Variants in TRMT11 observed in about 807,000 individuals in gnomAD.
The protein encoded by TRMT11 is tRNA methyltransferase 11.
In TRMT11, 53 loss-of-function variants were observed where a neutral mutation model predicts 62.8. The ratio of observed to expected loss-of-function variants is 0.84; its 90% CI spans 0.68 to 1.06. TRMT11 has a LOEUF of 1.06. Ranked by LOEUF, TRMT11 falls within the 50% of genes least tolerant of loss-of-function variation. The probability of loss-of-function intolerance (pLI) is 0.00; values close to 1 mark genes in which losing one functional copy is unlikely to be tolerated. For synonymous variants in TRMT11, 188 were observed against 190.3 expected, an observed-to-expected ratio of 0.99 and a Z score of 0.10; for missense variants, 556 against 553.4, an observed-to-expected ratio of 1.00 and a Z score of -0.05.
At chr6:126,136,964 C>T (rs1412191442) in intron 21 of TRMT11, among the ~76,000 whole-genome samples, 1 of 150,540 alleles carries the variant, frequency 6.6e-6, no homozygotes, top group Non-Finnish European at 1.5e-5. Context: ...AAGACCCCTA[C>T]CTTTCACCAT....
chr6:126,055,135 TTA>T (rs551942083), intron 17 of TRMT11, among the ~76,000 whole-genome samples: 1 of 152,266 alleles, frequency 6.6e-6, no homozygotes, highest in South Asian at 2.1e-4. Flanking sequence ...CATCTAAGTT[TTA>T]TATGTTTTGT....
intron 11 of TRMT11, among the ~76,000 whole-genome samples, chr6:126,020,525 C>T (rs1795668226): frequency 6.6e-6 from 1 of 152,210 alleles, no homozygotes; most frequent in Non-Finnish European, 1.5e-5. Context: ...GCAGTCTCCA[C>T]CACTCATTGG....
chr6:126,038,389 G>A (rs1402465897), intron 12 of TRMT11, among the ~76,000 whole-genome samples: 1 of 140,042 alleles, frequency 7.1e-6, no homozygotes, highest in African/African-American at 2.7e-5. Context: ...TCAGAAGAAA[G>A]TTATAGCCTT....
At chr6:126,217,859 G>T in the TRMT11 span, among the ~76,000 whole-genome samples, 1 of 152,136 alleles carries the variant, frequency 6.6e-6, no homozygotes, top group Admixed American at 6.5e-5. Flanking sequence ...TCAACTGCAG[G>T]TGAGTCCAGA....
downstream of TRMT11, among the ~76,000 whole-genome samples, chr6:126,043,787 C>A (rs1775959152): frequency 6.7e-6 from 1 of 150,260 alleles, no homozygotes. Flanking sequence ...TTTTGATTTG[C>A]ATTTCTCTGA....
intron 17 of TRMT11, among the ~76,000 whole-genome samples, chr6:126,079,631 G>A (rs541474577): frequency 1.9e-3 from 287 of 152,198 alleles, no homozygotes; most frequent in Non-Finnish European, 3.3e-3. Context: ...CACGACCTGG[G>A]TGAAGGAATC....
At chr6:126,164,736 C>A (rs576791993) in intron 21 of TRMT11, among the ~76,000 whole-genome samples, 3 of 152,208 alleles carry the variant, frequency 2.0e-5, no homozygotes, top group South Asian at 2.1e-4. Flanking sequence ...TAATGTTCTT[C>A]TTTGTATTTT....
intron 16 of TRMT11, among the ~76,000 whole-genome samples, chr6:126,045,789 A>C (rs1776039794): frequency 1.3e-5 from 2 of 152,170 alleles, no homozygotes; most frequent in Non-Finnish European, 2.9e-5. Context: ...ATATGGTGGC[A>C]GGGCACATCA....
At chr6:126,241,946 G>C in the TRMT11 span, among the ~76,000 whole-genome samples, 1 of 152,132 alleles carries the variant, frequency 6.6e-6, no homozygotes, top group South Asian at 2.1e-4. Flanking sequence ...CAATCAGGCA[G>C]GAGAAGGAAA....
At chr6:126,250,415 G>T in the TRMT11 span, among the ~76,000 whole-genome samples, 992 of 152,290 alleles carry the variant, frequency 6.5e-3, 11 homozygotes, top group African/African-American at 0.023. Context: ...GATATTTAAA[G>T]ATTATGGTTA....
At chr6:126,241,709 A>G in the TRMT11 span, among the ~76,000 whole-genome samples, 1 of 152,256 alleles carries the variant, frequency 6.6e-6, no homozygotes, top group African/African-American at 2.4e-5. Context: ...GATTATCTCA[A>G]TAGATGCAGA....
At chr6:126,256,981 T>C in the TRMT11 span, among the ~76,000 whole-genome samples, 2 of 151,704 alleles carry the variant, frequency 1.3e-5, no homozygotes. Flanking sequence ...CACCTCCCAG[T>C]TTCTAGTGAT....
At chr6:126,086,839 T>A (rs1777222590) in intron 17 of TRMT11, among the ~76,000 whole-genome samples, 1 of 152,196 alleles carries the variant, frequency 6.6e-6, no homozygotes, top group Non-Finnish European at 1.5e-5. Flanking sequence ...CTCTTTTACT[T>A]GTTCAGCTAT....
chr6:126,002,458 A>G (rs1350070823), intron 7 of TRMT11, among the ~76,000 whole-genome samples: 3 of 152,068 alleles, frequency 2.0e-5, no homozygotes, highest in African/African-American at 7.2e-5. Context: ...ATGGTTTCAC[A>G]GTTGTTTTGC....
At chr6:126,057,449 T>G (rs1206830797) in intron 17 of TRMT11, among the ~76,000 whole-genome samples, 1 of 152,240 alleles carries the variant, frequency 6.6e-6, no homozygotes, top group East Asian at 1.9e-4. Flanking sequence ...TATTAGGGGA[T>G]GTCTAGAGAA....
the TRMT11 span, among the ~76,000 whole-genome samples, chr6:126,268,466 T>C: frequency 6.6e-6 from 1 of 152,172 alleles, no homozygotes; most frequent in Admixed American, 6.5e-5. Context: ...ATACCAGTAA[T>C]AACCCAACCT....
chr6:126,082,307 T>C (rs1777165909), intron 17 of TRMT11, among the ~76,000 whole-genome samples: 2 of 152,134 alleles, frequency 1.3e-5, no homozygotes, highest in Non-Finnish European at 2.9e-5. Context: ...ATAATATTGC[T>C]GTAATGTAAT....
chr6:126,132,150 C>G (rs1273492549), intron 21 of TRMT11, among the ~76,000 whole-genome samples: 2 of 152,062 alleles, frequency 1.3e-5, no homozygotes, highest in African/African-American at 4.8e-5. Context: ...CAGTTTTTAA[C>G]AGTTTTAGCT....
At chr6:126,010,633 C>T (rs1027004896) in intron 8 of TRMT11, among the ~76,000 whole-genome samples, 1 of 152,078 alleles carries the variant, frequency 6.6e-6, no homozygotes, top group Admixed American at 6.6e-5. Context: ...TCTGCAGGTA[C>T]CTCAAGGTAC....
Sources: allele counts gnomAD v4.1 joint callset (sites outside exome capture counted in the v4.1 genomes callset), GRCh38; gene constraint gnomAD v4.1.1; transcripts MANE v1.5; gene names NCBI Gene and HGNC (gene_info 2026-07-23, HGNC 2026-07-21).